PRDM1: variants seen among roughly 807,000 people sequenced by gnomAD.
The protein encoded by PRDM1 is PR/SET domain 1.
A neutral mutation model predicts 62.8 loss-of-function variants in PRDM1; 13 were observed. The ratio of observed to expected loss-of-function variants is 0.21; its 90% confidence interval spans 0.13 to 0.33. PRDM1 has a LOEUF of 0.33. PRDM1 is among the 10% of genes least tolerant of loss of function. The pLI is 1.00. For missense variants in PRDM1, 895 were observed against 1,058.8 expected (o/e 0.85, Z 2.15); for synonymous variants, 396 against 417.6 (o/e 0.95, Z 0.63).
At chr6:106,103,564 G>A (rs1774338619) in intron 4 of PRDM1, among the ~76,000 whole-genome samples, 3 of 152,140 alleles carry the variant, frequency 2.0e-5, no homozygotes, top group African/African-American at 7.2e-5. Context: ...AACATCGTAT[G>A]TTTTACTTTT....
At chr6:106,095,896 G>T in intron 3 of PRDM1, 162 bp downstream of exon 3, 1 of 728,112 alleles carries the variant, frequency 1.4e-6, no homozygotes, top group Non-Finnish European at 2.2e-6. Context: ...CAAATGTGAT[G>T]AAACCGATGA....
intron 1 of PRDM1, among the ~76,000 whole-genome samples, chr6:106,070,415 CTTATA>C (rs948784423): frequency 1.4e-4 from 22 of 152,208 alleles, no homozygotes; most frequent in East Asian, 1.2e-3. Flanking sequence ...CTGAATAATA[CTTATA>C]TTATATTTGC....
chr6:106,058,514 A>G, intron 1 of PRDM1, among the ~76,000 whole-genome samples: 1 of 152,172 alleles, frequency 6.6e-6, no homozygotes, highest in Middle Eastern at 3.2e-3. Context: ...CCTCAAGACA[A>G]TTGATTCTGG....
In PRDM1 at chr6:106,098,334, AAG is replaced by A. The variant is rs904112887; in HGVS notation, c.412-963_412-962del. On this transcript the variant is annotated intron_variant, in intron 3 of 6. Coordinates refer to ENST00000369096, the MANE Select transcript of PRDM1 (RefSeq NM_001198.4). ...TAAGGAGTGTGTTTATAGTTTCAGT[AAG>A]AGTGTACGTTTTAATTTTTCTTCTT... 3 of 985,282 alleles carry A rather than the reference AAG, an allele frequency of 3.0e-6. No homozygotes were observed. In the African/African-American group the frequency reaches 5.2e-5, roughly 17 times the overall value. 61.0% of individuals were successfully genotyped at this position (985,282 alleles called of 1,614,324 possible). A position where few individuals can be genotyped will look rare whatever the true frequency, so the allele number is the denominator to read the frequency against.
At chr6:106,048,866 TC>T (rs1186896623) in intron 1 of PRDM1, among the ~76,000 whole-genome samples, 1 of 152,056 alleles carries the variant, frequency 6.6e-6, no homozygotes, top group African/African-American at 2.4e-5. Flanking sequence ...TCTTGCTCTG[TC>T]CCCCAGGCTG....
chr6:106,057,293 A>G (rs1488726883), intron 1 of PRDM1, among the ~76,000 whole-genome samples: 2 of 152,230 alleles, frequency 1.3e-5, no homozygotes, highest in African/African-American at 2.4e-5. Flanking sequence ...TAAGAACCTC[A>G]AGAATTTTTA....
At chr6:106,005,447 T>G (rs1358952565) in intron 1 of PRDM1, among the ~76,000 whole-genome samples, 2 of 152,360 alleles carry the variant, frequency 1.3e-5, no homozygotes, top group African/African-American at 4.8e-5. Flanking sequence ...GAGAACTTAT[T>G]TTGTTCAAAT....
chr6:106,094,556 C>A (rs1399409330), intron 2 of PRDM1, among the ~76,000 whole-genome samples: 1 of 152,174 alleles, frequency 6.6e-6, no homozygotes, highest in Non-Finnish European at 1.5e-5. Context: ...AGTCTGAGGT[C>A]ATTTCCTCAG....
At chr6:106,068,178 G>A (rs544178478) in intron 1 of PRDM1, among the ~76,000 whole-genome samples, 3 of 148,776 alleles carry the variant, frequency 2.0e-5, no homozygotes, top group African/African-American at 7.4e-5. Context: ...TGCAACCTCT[G>A]CCTCCTGAGT....
intron 1 of PRDM1, among the ~76,000 whole-genome samples, chr6:106,029,841 AC>A (rs1403316519): frequency 6.6e-6 from 1 of 151,896 alleles, no homozygotes; most frequent in African/African-American, 2.4e-5. Flanking sequence ...CTGGTCTCGA[AC>A]CCCTGGGCTC....
At position 106,106,266 on chromosome 6, in the gene PRDM1, A is replaced by T; in HGVS notation, c.1774-105A>T. 6.8e-7 allele frequency: 1 copy of T among 1,474,742 alleles called. No homozygotes were observed. Among genetic ancestry groups the T allele is most frequent in the African/African-American group, 1.4e-5 (1 of 71,194 alleles). 91.4% of individuals were successfully genotyped at this position (1,474,742 alleles called of 1,614,324 possible). On this transcript the variant is annotated intron_variant, in intron 5 of 6. Transcript: ENST00000369096. This position sits in a 1 kb window ranked among gnomAD's most constrained non-coding sequence, Gnocchi z 4.4. ...ATTTCTTCTTTTTAAGACTGTCTTG[A>T]TGCTTTTCTTAAGATATTTGCATCA...
chr6:106,099,004 G>A (rs1374324569), intron 3 of PRDM1: 1 of 1,593,792 alleles, frequency 6.3e-7, no homozygotes, highest in Non-Finnish European at 8.6e-7. Context: ...TGGGTTAATC[G>A]GTTTGAGGCA....
Position 106,108,116 on chromosome 6 carries a change from C to T in PRDM1, c.*630C>T, listed in dbSNP as rs3890556. On this transcript the variant is annotated 3_prime_UTR_variant, in exon 7 of 7. Transcript: ENST00000369096. Reference sequence around the variant, plus strand: ...GATGTGTTCATTCCTGGGATCCTATCATTTGAACAGCATTGTACATAACTT... The same window carrying T: ...GATGTGTTCATTCCTGGGATCCTATTATTTGAACAGCATTGTACATAACTT... The T allele has an allele frequency of 0.029, 6,745 of 233,404 alleles. 162 individuals carry two copies. Among genetic ancestry groups the T allele is most frequent in the East Asian group, 0.072 (1,200 of 16,644 alleles). 14.5% of individuals were successfully genotyped at this position (233,404 alleles called of 1,614,324 possible).
chr6:106,007,405 G>A (rs1340756736), intron 1 of PRDM1, among the ~76,000 whole-genome samples: 1 of 151,164 alleles, frequency 6.6e-6, no homozygotes, highest in East Asian at 1.9e-4. Context: ...ACTCCAGCCT[G>A]GGTGACAGAG....
chr6:106,047,287 T>C (rs1213320583), upstream of PRDM1, among the ~76,000 whole-genome samples: 1 of 152,264 alleles, frequency 6.6e-6, no homozygotes, highest in Non-Finnish European at 1.5e-5. Context: ...AGTCACAGCC[T>C]AGCAATTAAG....
chr6:105,995,051 G>C (rs1451861612), intron 1 of PRDM1, among the ~76,000 whole-genome samples: 2 of 152,228 alleles, frequency 1.3e-5, no homozygotes, highest in Non-Finnish European at 2.9e-5. Context: ...TTGAAAGCCA[G>C]AGAGATGAGT....
rs1772319525 is a variant in PRDM1 at position 105,994,319 on chromosome 6, C to T, written c.-67+680C>T. Among the ~76,000 whole-genome samples, 1 of 151,860 alleles carries T rather than the reference C, an allele frequency of 6.6e-6. No individual in the cohort carries two copies. Among genetic ancestry groups the T allele is most frequent in the Admixed American group, 6.6e-5 (1 of 15,262 alleles). ...ACGGTGAACTCTACCAAGCTCAGCGCGTACACAGCTAGCGGCTCTGGATTG... is the reference window on the plus strand; with the variant it reads ...ACGGTGAACTCTACCAAGCTCAGCGTGTACACAGCTAGCGGCTCTGGATTG... On this transcript the variant is annotated intron_variant, in intron 1 of 6. Coordinates refer to the PRDM1 transcript ENST00000652320. The surrounding 1 kb of genome is among the most constrained non-coding windows in gnomAD (Gnocchi z 4.1).
chr6:106,099,200 A>T, intron 3 of PRDM1, 100 bp from the exon 4 acceptor site: 1 of 1,601,348 alleles, frequency 6.2e-7, no homozygotes, highest in Non-Finnish European at 8.6e-7. Context: ...GCAGTAGGGG[A>T]TCAGAAATCA....
chr6:106,104,880 A>G lies in PRDM1; in HGVS notation c.720A>G (p.Pro240=), dbSNP rs778030573. 1.9e-6 allele frequency: 3 copies of G among 1,614,160 alleles called. No homozygotes were observed. The highest frequency in any genetic ancestry group is 2.5e-6 in the Non-Finnish European group (3 of 1,180,020). ...GCACTGAGAAAAATGAACTCTGCCCAAAGAATGTCCCAAAGAGAGAGTACA... is the reference window on the plus strand; with the variant it reads ...GCACTGAGAAAAATGAACTCTGCCCGAAGAATGTCCCAAAGAGAGAGTACA... ...QPSTEKNELC[P]KNVPKREYSV... is the part of the protein sequence containing the mutation. Residue 240 remains proline (P), a synonymous_variant, in exon 5 of 7, where the codon CCA becomes CCG. Coordinates refer to ENST00000369096, the MANE Select transcript of PRDM1 (RefSeq NM_001198.4).
Sources: allele counts gnomAD v4.1 joint callset (sites outside exome capture counted in the v4.1 genomes callset), GRCh38; gene constraint gnomAD v4.1.1; non-coding constraint Gnocchi (gnomAD v3.1); transcripts MANE v1.5; gene names NCBI Gene and HGNC (gene_info 2026-07-23, HGNC 2026-07-21).